The following STK33 variants were observed in gnomAD, a reference collection of about 807,000 sequenced individuals.
STK33 encodes the protein serine/threonine kinase 33.
STK33 carries 52 observed loss-of-function variants against 58.0 expected under a neutral mutation model. The ratio of observed to expected loss-of-function variants is 0.90; its 90% CI spans 0.72 to 1.13. The LOEUF (loss-of-function observed/expected upper bound fraction) is 1.13. Among genes scored for constraint, STK33 ranks in the 50% most tolerant of loss-of-function variants. The pLI is 0.00. For missense variants in STK33, 630 were observed against 604.2 expected (o/e 1.04, Z -0.45); for synonymous variants, 215 against 200.1 (o/e 1.07, Z -0.63).
In STK33 at chr11:8,409,854, G is replaced by C. The variant is rs1939912885; in HGVS notation, c.1344+3641C>G. ...CGTGCATGATTTCACCTAGCACTTA[G>C]TTGGTGAGATTATTATTCCTATTTT... On this transcript the variant is annotated intron_variant, in intron 15 of 15. Transcript: ENST00000687296. Among the ~76,000 whole-genome samples the C allele has an allele frequency of 2.6e-5, 4 of 152,108 alleles. No homozygotes were observed. The South Asian group carries it at 8.3e-4, about 32-fold the overall frequency.
At chr11:8,496,028 C>T (rs1272690987) in intron 1 of STK33, among the ~76,000 whole-genome samples, 2 of 151,948 alleles carry the variant, frequency 1.3e-5, no homozygotes, top group Non-Finnish European at 2.9e-5. Flanking sequence ...AGCAAACCAA[C>T]ATGGTTCACG....
chr11:8,433,659 A>G (rs1307609626), intron 14 of STK33, among the ~76,000 whole-genome samples: 1 of 152,184 alleles, frequency 6.6e-6, no homozygotes, highest in Non-Finnish European at 1.5e-5. Context: ...ACAGTCTTCC[A>G]TATCTCAGTA....
intron 1 of STK33, among the ~76,000 whole-genome samples, chr11:8,547,823 T>C (rs961716118): frequency 1.3e-5 from 2 of 151,588 alleles, no homozygotes; most frequent in Non-Finnish European, 2.9e-5. Flanking sequence ...TATGGAATAC[T>C]ATGCAGCCAT....
intron 8 of STK33, among the ~76,000 whole-genome samples, chr11:8,459,738 G>C (rs1947291695): frequency 6.6e-6 from 1 of 152,086 alleles, no homozygotes; most frequent in Non-Finnish European, 1.5e-5. Flanking sequence ...GGAAGGTCAA[G>C]ACAACTAAAG....
At chr11:8,420,392 C>G (rs1463526837) in intron 14 of STK33, among the ~76,000 whole-genome samples, 1 of 152,046 alleles carries the variant, frequency 6.6e-6, no homozygotes, top group Non-Finnish European at 1.5e-5. Flanking sequence ...ATTAATATTC[C>G]TATTCTTCAG....
At chr11:8,385,371 C>T in the STK33 span, among the ~76,000 whole-genome samples, 1 of 152,146 alleles carries the variant, frequency 6.6e-6, no homozygotes, top group Admixed American at 6.5e-5. Context: ...TCCTGCAGGA[C>T]CTGACCCCTG....
chr11:8,554,893 T>C (rs1396200063), intron 1 of STK33: 1 of 152,142 alleles, frequency 6.6e-6, no homozygotes, highest in East Asian at 1.9e-4. Flanking sequence ...AAAAATGTGA[T>C]ATATATACAC....
chr11:8,430,407 C>T (rs1943274517), intron 14 of STK33, among the ~76,000 whole-genome samples: 1 of 152,072 alleles, frequency 6.6e-6, no homozygotes, highest in South Asian at 2.1e-4. Flanking sequence ...GCAGGGGTTT[C>T]CAATCTTTTC....
At chr11:8,354,518 C>CACA in the STK33 span, among the ~76,000 whole-genome samples, 1 of 71,660 alleles carries the variant, frequency 1.4e-5, no homozygotes, top group Non-Finnish European at 2.8e-5. Context: ...ACACACACAC[C>CACA]CCTCAGACAC....
At chr11:8,514,897 AT>A (rs753680308) in intron 1 of STK33, among the ~76,000 whole-genome samples, 9 of 152,258 alleles carry the variant, frequency 5.9e-5, no homozygotes, top group Non-Finnish European at 1.3e-4. Context: ...AAGTTATCAG[AT>A]AGAGACTCTA....
intron 14 of STK33, among the ~76,000 whole-genome samples, chr11:8,415,208 CA>C (rs2135709722): frequency 6.6e-6 from 1 of 152,196 alleles, no homozygotes; most frequent in African/African-American, 2.4e-5. Flanking sequence ...CAGAAAGTGA[CA>C]ATCTGACACA....
At chr11:8,505,418 T>G (rs1398900961) in intron 1 of STK33, among the ~76,000 whole-genome samples, 2 of 152,298 alleles carry the variant, frequency 1.3e-5, no homozygotes, top group Non-Finnish European at 2.9e-5. Flanking sequence ...TCAATTTAGT[T>G]TCTCTCCTCT....
intron 1 of STK33, among the ~76,000 whole-genome samples, chr11:8,492,934 A>G (rs960587018): frequency 6.6e-6 from 1 of 152,250 alleles, no homozygotes; most frequent in Non-Finnish European, 1.5e-5. Flanking sequence ...AATCTCTGGG[A>G]CACATTTAAA....
chr11:8,459,487 A>T (rs373123154), intron 8 of STK33, among the ~76,000 whole-genome samples: 10 of 152,286 alleles, frequency 6.6e-5, no homozygotes, highest in African/African-American at 2.2e-4. Flanking sequence ...CAAAGACCAG[A>T]CTTATCTTCC....
intron 8 of STK33, among the ~76,000 whole-genome samples, chr11:8,461,318 G>A (rs1340435853): frequency 6.6e-6 from 1 of 152,190 alleles, no homozygotes. Flanking sequence ...CAGGTAAAGA[G>A]AAGAATGATA....
the STK33 span, among the ~76,000 whole-genome samples, chr11:8,339,370 C>G: frequency 6.6e-6 from 1 of 152,248 alleles, no homozygotes; most frequent in Non-Finnish European, 1.5e-5. Flanking sequence ...CAGCCCCAAA[C>G]AGGCAAGTCG....
intron 1 of STK33, among the ~76,000 whole-genome samples, chr11:8,510,107 T>A (rs940079684): frequency 1.3e-5 from 2 of 152,224 alleles, no homozygotes; most frequent in Non-Finnish European, 2.9e-5. Context: ...TTGTACTAGT[T>A]TACATTCCCA....
chr11:8,425,814 C>T (rs529176023), intron 14 of STK33, among the ~76,000 whole-genome samples: 1 of 152,208 alleles, frequency 6.6e-6, no homozygotes, highest in East Asian at 1.9e-4. Context: ...AAAGTTCCCT[C>T]ATCCCCTTGG....
At chr11:8,579,195 T>G (rs1390163511) in intron 1 of STK33, among the ~76,000 whole-genome samples, 1 of 152,060 alleles carries the variant, frequency 6.6e-6, no homozygotes, top group African/African-American at 2.4e-5. Context: ...TCAGTTAGAG[T>G]AGGGATTTTG....
Sources: gnomAD v4.1 joint callset for allele counts (sites outside exome capture counted in the v4.1 genomes callset) on GRCh38, gnomAD v4.1.1 for gene constraint, MANE v1.5 for transcripts, NCBI Gene and HGNC (gene_info 2026-07-23, HGNC 2026-07-21) for gene names.